GABRB2: variants seen among roughly 807,000 people sequenced by gnomAD.
GABRB2 encodes the protein gamma-aminobutyric acid type A receptor subunit beta2, also known as gamma-aminobutyric acid receptor subunit beta-2.
A neutral mutation model predicts 54.7 loss-of-function variants in GABRB2; 16 were observed. The ratio of observed to expected loss-of-function variants is 0.29; its 90% CI spans 0.20 to 0.44. The LOEUF (loss-of-function observed/expected upper bound fraction) is 0.44. Ranked by LOEUF, GABRB2 falls within the 20% of genes least tolerant of loss-of-function variation. GABRB2 has a pLI of 1.00. For missense variants in GABRB2, 355 were observed against 644.0 expected, an observed-to-expected ratio of 0.55 and a Z score of 4.86; for synonymous variants, 244 against 233.8, an observed-to-expected ratio of 1.04 and a Z score of -0.40.
intron 3 of GABRB2, among the ~76,000 whole-genome samples, chr5:161,526,908 T>C (rs911058702): frequency 1.3e-5 from 2 of 151,382 alleles, no homozygotes; most frequent in Non-Finnish European, 3.0e-5. Context: ...TGTCCTTCAA[T>C]AGAAAGAACC....
chr5:161,488,691 T>A (rs1033183012), intron 3 of GABRB2, among the ~76,000 whole-genome samples: 1 of 151,796 alleles, frequency 6.6e-6, no homozygotes, highest in Non-Finnish European at 1.5e-5. Context: ...TCTCATATAA[T>A]CCATTCAATA....
At chr5:161,503,225 A>G (rs927893665) in intron 3 of GABRB2, among the ~76,000 whole-genome samples, 1 of 152,064 alleles carries the variant, frequency 6.6e-6, no homozygotes, top group Admixed American at 6.5e-5. Flanking sequence ...AAGGATGTGT[A>G]TAATAAGATA....
At chr5:161,363,377 C>T (rs113635122) in intron 5 of GABRB2, among the ~76,000 whole-genome samples, 4 of 151,978 alleles carry the variant, frequency 2.6e-5, no homozygotes, top group South Asian at 2.1e-4. Context: ...GGTGCCTGTT[C>T]GGGGCTGGGG....
intron 4 of GABRB2, among the ~76,000 whole-genome samples, chr5:161,421,477 C>A (rs1372522398): frequency 6.6e-6 from 1 of 152,194 alleles, no homozygotes; most frequent in Non-Finnish European, 1.5e-5. Flanking sequence ...TTCTCTCTCT[C>A]ATGGTAAGGC....
At chr5:161,320,063 C>T (rs1347421726) in intron 9 of GABRB2, among the ~76,000 whole-genome samples, 1 of 151,526 alleles carries the variant, frequency 6.6e-6, no homozygotes, top group East Asian at 1.9e-4. Context: ...TCCTTAATAG[C>T]CTTTTCCTTT....
chr5:161,483,239 T>C (rs1758819675), intron 3 of GABRB2, among the ~76,000 whole-genome samples: 1 of 152,030 alleles, frequency 6.6e-6, no homozygotes, highest in Non-Finnish European at 1.5e-5. Context: ...AATTTATAAT[T>C]GACGTCTCTG....
At chr5:161,352,418 C>T (rs2113437160) in intron 5 of GABRB2, among the ~76,000 whole-genome samples, 1 of 151,660 alleles carries the variant, frequency 6.6e-6, no homozygotes, top group South Asian at 2.1e-4. Flanking sequence ...CATGAATGAA[C>T]CTAGAGGACA....
At chr5:161,347,088 A>G (rs750246808) in intron 5 of GABRB2, among the ~76,000 whole-genome samples, 2 of 152,124 alleles carry the variant, frequency 1.3e-5, no homozygotes, top group Non-Finnish European at 2.9e-5. Context: ...AGTCAGTTCA[A>G]TGAATTGATC....
At chr5:161,437,572 G>C (rs1757347740) in intron 4 of GABRB2, among the ~76,000 whole-genome samples, 1 of 152,084 alleles carries the variant, frequency 6.6e-6, no homozygotes, top group Non-Finnish European at 1.5e-5. Flanking sequence ...AGCCACAGGA[G>C]AGCAGAGCAC....
chr5:161,353,760 C>G (rs1399889541), intron 5 of GABRB2, among the ~76,000 whole-genome samples: 1 of 151,918 alleles, frequency 6.6e-6, no homozygotes, highest in Non-Finnish European at 1.5e-5. Flanking sequence ...TAGTAGTTTT[C>G]TATATAAAAC....
chr5:161,326,308 G>A (rs1758358997), intron 9 of GABRB2, 60 bp downstream of exon 9: 7 of 1,602,470 alleles, frequency 4.4e-6, no homozygotes, highest in Non-Finnish European at 6.0e-6. Flanking sequence ...TAAGGGAACA[G>A]CTAAACAAAT....
At chr5:161,422,085 C>T (rs1218759873) in intron 4 of GABRB2, among the ~76,000 whole-genome samples, 3 of 152,010 alleles carry the variant, frequency 2.0e-5, no homozygotes, top group Non-Finnish European at 1.5e-5. Context: ...TGTAAATTGG[C>T]ACAAACTTTC....
chr5:161,399,370 A>G (rs1386003977), intron 5 of GABRB2, among the ~76,000 whole-genome samples: 3 of 152,126 alleles, frequency 2.0e-5, no homozygotes, highest in Admixed American at 6.5e-5. Context: ...AACGTGATCC[A>G]GACTCCGCCA....
intron 9 of GABRB2, among the ~76,000 whole-genome samples, chr5:161,302,311 A>T (rs1757562778): frequency 6.6e-6 from 1 of 152,214 alleles, no homozygotes; most frequent in African/African-American, 2.4e-5. Context: ...CATTTTATTT[A>T]AAATATATTG....
At chr5:161,343,946 CA>C (rs1754244134) in intron 5 of GABRB2, among the ~76,000 whole-genome samples, 1 of 152,068 alleles carries the variant, frequency 6.6e-6, no homozygotes, top group African/African-American at 2.4e-5. Context: ...TGTGAAAATG[CA>C]GATTCTGATT....
intron 4 of GABRB2, among the ~76,000 whole-genome samples, chr5:161,432,929 A>G (rs910027804): frequency 2.7e-5 from 4 of 150,538 alleles, no homozygotes; most frequent in Non-Finnish European, 5.9e-5. Context: ...TTTGAGATTC[A>G]CCTCGTACTT....
chr5:161,497,560 T>TGTGTG (rs1242027426), intron 3 of GABRB2, among the ~76,000 whole-genome samples: 2 of 80,004 alleles, frequency 2.5e-5, no homozygotes, highest in Non-Finnish European at 5.3e-5. Flanking sequence ...GTGTGTGTGT[T>TGTGTG]TTATTTAGTA....
chr5:161,325,937 C>G (rs1677380), intron 9 of GABRB2, among the ~76,000 whole-genome samples: 45,540 of 151,822 alleles, frequency 0.3, 7,433 homozygotes, highest in African/African-American at 0.42. Flanking sequence ...TTCTTAGACA[C>G]AAGTTAGTAA....
Position 161,294,077 on chromosome 5 carries a change from T to C in GABRB2, c.*4A>G. 1.2e-6 allele frequency: 2 copies of C among 1,603,676 alleles called. No homozygotes were observed. Among genetic ancestry groups the C allele is most frequent in the Non-Finnish European group, 1.7e-6 (2 of 1,171,738 alleles). ...AGTCCTTGCTTCCAGTGGGAGGCCATGTTTTAGTTCACATAATAAAGCCAA... is the reference window on the plus strand; with the variant it reads ...AGTCCTTGCTTCCAGTGGGAGGCCACGTTTTAGTTCACATAATAAAGCCAA... On this transcript the variant is annotated 3_prime_UTR_variant, in exon 10 of 10. Coordinates refer to ENST00000393959, the MANE Select transcript of GABRB2 (RefSeq NM_001371727.1).
Sources: allele counts gnomAD v4.1 joint callset (sites outside exome capture counted in the v4.1 genomes callset), GRCh38; gene constraint gnomAD v4.1.1; transcripts MANE v1.5; gene names NCBI Gene and HGNC (gene_info 2026-07-23, HGNC 2026-07-21).